CNRIP1: variants seen among roughly 807,000 people sequenced by gnomAD.
CNRIP1 encodes cannabinoid receptor interacting protein 1, also known as CB1 cannabinoid receptor-interacting protein 1.
CNRIP1 carries 10 observed loss-of-function variants against 15.2 expected under a neutral mutation model. The ratio of observed to expected loss-of-function variants is 0.66; its 90% CI spans 0.41 to 1.12. The LOEUF (loss-of-function observed/expected upper bound fraction) is 1.12, where lower values mean the gene tolerates loss of function less well. CNRIP1 is among the 50% of genes most tolerant of loss of function. The pLI, the probability that CNRIP1 is intolerant of heterozygous loss-of-function variation, is 0.00. For synonymous variants in CNRIP1, 91 were observed against 83.2 expected (o/e 1.09, Z -0.51); for missense variants, 211 against 214.7 (o/e 0.98, Z 0.11).
intron 2 of CNRIP1, among the ~76,000 whole-genome samples, chr2:68,302,788 A>G (rs1025157308): frequency 6.6e-6 from 1 of 152,048 alleles, no homozygotes; most frequent in Non-Finnish European, 1.5e-5. Flanking sequence ...AAAGAACAGT[A>G]ACGTTTCCCC....
intron 2 of CNRIP1, 103 bp downstream of exon 2, chr2:68,317,054 G>T: frequency 7.3e-7 from 1 of 1,377,904 alleles, no homozygotes; most frequent in Non-Finnish European, 1.0e-6. Context: ...ACAGTAATTG[G>T]CTCCCAACAC....
At chr2:68,290,665 T>A (rs1671144851), downstream of CNRIP1, among the ~76,000 whole-genome samples, 2 of 152,214 alleles carry the variant, frequency 1.3e-5, no homozygotes, top group South Asian at 4.1e-4. Context: ...CCCCACATGT[T>A]AGAATTGTGT....
At chr2:68,306,499 G>A (rs555121722) in intron 2 of CNRIP1, among the ~76,000 whole-genome samples, 3 of 152,182 alleles carry the variant, frequency 2.0e-5, no homozygotes, top group South Asian at 2.1e-4. Context: ...TACAAATGGC[G>A]ACCAGGCACA....
intron 2 of CNRIP1, among the ~76,000 whole-genome samples, chr2:68,314,732 G>A (rs1672208736): frequency 6.6e-6 from 1 of 152,060 alleles, no homozygotes; most frequent in Non-Finnish European, 1.5e-5. Context: ...ATAGATTAGG[G>A]AGTATAGGAG....
rs1573009000 is a variant in CNRIP1, at chr2:68,294,845, A to C, written c.331-819T>G. 2.0e-5 allele frequency among the ~76,000 whole-genome samples: 3 copies of C among 152,344 alleles called. No individual in the cohort carries two copies. In the East Asian group the frequency reaches 5.8e-4, roughly 29 times the overall value. ...CCTTGCATGTATAAAAATTCGTATA[A>C]GGCAGGATTGTTGCTCTTAAGAAGT... On this transcript the variant is annotated intron_variant, in intron 2 of 2. Coordinates refer to ENST00000263655, the MANE Select transcript of CNRIP1 (RefSeq NM_015463.3).
intron 1 of CNRIP1, 44 bp downstream of exon 1, chr2:68,319,178 T>A: frequency 6.7e-7 from 1 of 1,499,694 alleles, no homozygotes; most frequent in Non-Finnish European, 8.9e-7. Flanking sequence ...CCTCTGCCTG[T>A]ACCCCATGGG....
chr2:68,284,570 G>A, intron 2 of CNRIP1: 1 of 794,862 alleles, frequency 1.3e-6, no homozygotes, highest in Non-Finnish European at 2.0e-6. Context: ...CCAGCACTTT[G>A]GGAGGCCAAG....
At chr2:68,316,244 G>C (rs1035841868) in intron 2 of CNRIP1, 1 of 152,102 alleles carries the variant, frequency 6.6e-6, no homozygotes, top group African/African-American at 2.4e-5. Flanking sequence ...CCCCACCCTA[G>C]CTCTACTGAG....
chr2:68,317,053 G>C (rs1480939085), intron 2 of CNRIP1, 104 bp downstream of exon 2: 1 of 1,358,946 alleles, frequency 7.4e-7, no homozygotes, highest in Non-Finnish European at 1.1e-6. Context: ...CACAGTAATT[G>C]GCTCCCAACA....
rs1225964288 is a variant in CNRIP1, at chr2:68,305,272, A to ATGTGTGTG, written c.331-11247_331-11246insCACACACA. Among the ~76,000 whole-genome samples the ATGTGTGTG allele has an allele frequency of 9.0e-4, 62 of 69,012 alleles. No homozygotes were observed. In the East Asian group the frequency reaches 0.017, roughly 18 times the overall value. The allele number at this position is 69,012 out of a possible 152,430, so 45.3% of individuals were successfully genotyped here. ...AAAAAAAAAAAAAATATATATATAT[A>ATGTGTGTG]TATGTGTGTGTGTGTGTGTGTGTGT... On this transcript the variant is annotated intron_variant, in intron 2 of 2. Coordinates refer to ENST00000263655, the MANE Select transcript of CNRIP1 (RefSeq NM_015463.3).
At chr2:68,285,781 GGGT>G (rs1671017429) in intron 2 of CNRIP1, among the ~76,000 whole-genome samples, 1 of 152,288 alleles carries the variant, frequency 6.6e-6, no homozygotes, top group East Asian at 1.9e-4. Context: ...ACAGCCATAT[GGGT>G]TTTAATACAT....
chr2:68,290,726 T>A (rs1671148218), downstream of CNRIP1, among the ~76,000 whole-genome samples: 1 of 152,226 alleles, frequency 6.6e-6, no homozygotes, highest in African/African-American at 2.4e-5. Context: ...CTTTAGTGAA[T>A]GGACTTGGTG....
At chr2:68,311,789 A>AGG in intron 2 of CNRIP1, among the ~76,000 whole-genome samples, 1 of 151,162 alleles carries the variant, frequency 6.6e-6, no homozygotes, top group Non-Finnish European at 1.5e-5. Flanking sequence ...GAAAAAAAAA[A>AGG]AAAAAAAAAA....
chr2:68,312,561 G>A (rs1672132593), intron 2 of CNRIP1, among the ~76,000 whole-genome samples: 1 of 152,184 alleles, frequency 6.6e-6, no homozygotes, highest in African/African-American at 2.4e-5. Flanking sequence ...GGACAAGAAT[G>A]TCCACTCTCA....
chr2:68,290,860 G>T (rs969706939), downstream of CNRIP1, among the ~76,000 whole-genome samples: 1 of 152,162 alleles, frequency 6.6e-6, no homozygotes, highest in African/African-American at 2.4e-5. Context: ...TAAACTCAAG[G>T]CATTTCTATT....
intron 2 of CNRIP1, 140 bp downstream of exon 2, chr2:68,317,017 T>G: frequency 9.6e-7 from 1 of 1,041,606 alleles, no homozygotes; most frequent in Non-Finnish European, 1.5e-6. Context: ...CAGCAGATGC[T>G]TGAAGGAAAT....
chr2:68,315,392 G>A (rs1672234975), intron 2 of CNRIP1, among the ~76,000 whole-genome samples: 1 of 152,052 alleles, frequency 6.6e-6, no homozygotes, highest in African/African-American at 2.4e-5. Flanking sequence ...CTTTTCTGGA[G>A]GTCAGTGAGG....
At chr2:68,300,486 G>A (rs530357373) in intron 2 of CNRIP1, among the ~76,000 whole-genome samples, 1 of 152,086 alleles carries the variant, frequency 6.6e-6, no homozygotes, top group African/African-American at 2.4e-5. Context: ...GCGTGGTGGT[G>A]GGTGCCTGTA....
At chr2:68,313,517 T>C (rs1042400624) in intron 2 of CNRIP1, among the ~76,000 whole-genome samples, 17 of 152,162 alleles carry the variant, frequency 1.1e-4, no homozygotes, top group Admixed American at 4.6e-4. Flanking sequence ...ACTACTGATA[T>C]GTGCAACATA....
Sources: allele counts gnomAD v4.1 joint callset (sites outside exome capture counted in the v4.1 genomes callset), GRCh38; gene constraint gnomAD v4.1.1; transcripts MANE v1.5; gene names NCBI Gene and HGNC (gene_info 2026-07-23, HGNC 2026-07-21).